Variants in TLX1 observed in about 807,000 individuals in gnomAD.
The protein encoded by TLX1 is T cell leukemia homeobox 1, also known as T-cell leukemia homeobox protein 1.
In TLX1, 6 loss-of-function variants were observed where a neutral mutation model predicts 26.5. The ratio of observed to expected loss-of-function variants is 0.23; its 90% confidence interval spans 0.12 to 0.45. The LOEUF (loss-of-function observed/expected upper bound fraction) is 0.45, where lower values mean the gene tolerates loss of function less well. Among genes scored for constraint, TLX1 ranks in the 20% least tolerant of loss-of-function variants. The probability of loss-of-function intolerance (pLI) is 0.99; values close to 1 mark genes in which losing one functional copy is unlikely to be tolerated. For synonymous variants in TLX1, 217 were observed against 219.7 expected, an observed-to-expected ratio of 0.99 and a Z score of 0.11; for missense variants, 418 against 482.6, an observed-to-expected ratio of 0.87 and a Z score of 1.25.
intron 2 of TLX1, among the ~76,000 whole-genome samples, chr10:101,136,423 T>C (rs1001418939): frequency 6.6e-6 from 1 of 152,220 alleles, no homozygotes; most frequent in Non-Finnish European, 1.5e-5. Context: ...TGCGCGTGGA[T>C]GCGAGTCCCA....
chr10:101,136,339 C>T (rs939746035), intron 2 of TLX1, among the ~76,000 whole-genome samples: 1 of 152,220 alleles, frequency 6.6e-6, no homozygotes, highest in Non-Finnish European at 1.5e-5. Context: ...TGGTCTCCCT[C>T]AGGGCCGGGG....
Position 101,131,891 on chromosome 10 carries a change from G to A in TLX1, c.350G>A (p.Gly117Asp), listed in dbSNP as rs1940182886. 2.2e-6 allele frequency: 3 copies of A among 1,394,726 alleles called. No homozygotes were observed. The highest frequency in any genetic ancestry group is 1.9e-4 in the Middle Eastern group (1 of 5,258). 86.4% of individuals were successfully genotyped at this position (1,394,726 alleles called of 1,614,324 possible). The stretch of plus-strand genomic sequence containing the variant: ...GGCGGCCCCGGTCCTGGCGGCGGCG[G>A]CGGCAGCAGCGGCGGTGCCGGGGCA... ...LAGGPGPGGG[G>D]GSSGGAGALS... The change falls in exon 1 of 3, where the codon GGC (glycine) becomes GAC (aspartate). Residue 117 changes from glycine to aspartate, a missense_variant. Physicochemically the swap from Gly to Asp is moderately conservative, Grantham distance 94. This residue lies in a region of TLX1 where 322 missense variants were observed against 344.6 expected (regional missense o/e 0.93). Transcript: ENST00000370196.
rs1437452753 is a variant in TLX1, at chr10:101,134,387, G to GGGGC, written c.770+16_770+19dup. On this transcript the variant is annotated intron_variant, in intron 2 of 2. Coordinates refer to ENST00000370196, the MANE Select transcript of TLX1 (RefSeq NM_005521.4). The stretch of plus-strand genomic sequence containing the variant: ...GCGGACAAAGTGGAGGTGAGCAAGC[G>GGGGC]GGGCGGGCCGGCCGCCCGCGAGCGG... The GGGGC allele has an allele frequency of 6.5e-7, 1 of 1,547,518 alleles. No individual in the cohort carries two copies. The highest frequency in any genetic ancestry group is 8.7e-7 in the Non-Finnish European group (1 of 1,151,414).
intron 2 of TLX1, chr10:101,135,430 T>C (rs1201659838): frequency 6.5e-6 from 1 of 154,414 alleles, no homozygotes; most frequent in Non-Finnish European, 1.5e-5. Flanking sequence ...ACAACATTTC[T>C]GACGCTGGGA....
Position 101,132,108 on chromosome 10 carries a change from A to G in TLX1, c.567A>G (p.Thr189=), listed in dbSNP as rs754545748. 1.5e-6 allele frequency: 2 copies of G among 1,376,110 alleles called. No individual in the cohort carries two copies. Among genetic ancestry groups the G allele is most frequent in the Admixed American group, 5.6e-5 (2 of 35,516 alleles). 85.2% of individuals were successfully genotyped at this position (1,376,110 alleles called of 1,614,324 possible). The part of the protein sequence containing the change: ...SNRRYTKDRF[T]GHPYQNRTPP... ...GCAGATACACAAAGGACAGGTTCAC[A>G]GGTGAGTCCGGCCCGCGCGCTCCCC... The change falls in exon 1 of 3, where the codon ACA becomes ACG. Residue 189 remains threonine (T), a splice_region_variant and synonymous_variant. Coordinates refer to ENST00000370196, the MANE Select transcript of TLX1 (RefSeq NM_005521.4). The surrounding 1 kb of genome is among the most constrained non-coding windows in gnomAD (Gnocchi z 4.1).
At chr10:101,134,861 C>T (rs1002842486) in intron 2 of TLX1, among the ~76,000 whole-genome samples, 2 of 152,212 alleles carry the variant, frequency 1.3e-5, no homozygotes, top group Non-Finnish European at 1.5e-5. Context: ...GCCCTGCTGA[C>T]GGTCTCCTCC....
Position 101,131,698 on chromosome 10 carries a change from G to T in TLX1, c.157G>T (p.Gly53Cys). ...GEYGLGCLVG[G>C]AYTYGGGGSA... Reference sequence around the variant, plus strand: ...ATACGGCCTTGGCTGCTTGGTCGGAGGCGCCTACACTTACGGCGGCGGGGG... The same window carrying T: ...ATACGGCCTTGGCTGCTTGGTCGGATGCGCCTACACTTACGGCGGCGGGGG... The change falls in exon 1 of 3, where the codon GGC (glycine) becomes TGC (cysteine). Residue 53 changes from glycine to cysteine, a missense_variant. Gly to Cys is a radical substitution (Grantham distance 159, BLOSUM62 -3). Coordinates refer to ENST00000370196, the MANE Select transcript of TLX1 (RefSeq NM_005521.4). The T allele has an allele frequency of 6.6e-7, 1 of 1,525,570 alleles. No individual in the cohort carries two copies. The highest frequency in any genetic ancestry group is 2.6e-5 in the East Asian group (1 of 37,972). The allele number at this position is 1,525,570 out of a possible 1,614,324, so 94.5% of individuals were successfully genotyped here.
rs1343412035 is a variant in TLX1, at chr10:101,137,740, T to C, written c.*827T>C. 1 of 228,944 alleles carries C rather than the reference T, an allele frequency of 4.4e-6. No individual in the cohort carries two copies. The allele number at this position is 228,944 out of a possible 1,614,324, so 14.2% of individuals were successfully genotyped here. On this transcript the variant is annotated 3_prime_UTR_variant, in exon 3 of 3. Transcript: ENST00000370196. ...TTTTCTGTGTAACCATTTTATAAAGTGCTTGTGTAATTTATGTGAAAAAAA... is the reference window on the plus strand; with the variant it reads ...TTTTCTGTGTAACCATTTTATAAAGCGCTTGTGTAATTTATGTGAAAAAAA...
chr10:101,136,715 G>T lies in TLX1; in HGVS notation c.795G>T (p.Glu265Asp), dbSNP rs767012955. Reference protein sequence around the residue: ...KWRRQTAEEREAERQQANRIL... With the variant: ...KWRRQTAEERDAERQQANRIL... ...GACGGCAGACTGCGGAGGAACGGGAGGCCGAGAGGCAGCAAGCGAACCGCA... is the reference window on the plus strand; with the variant it reads ...GACGGCAGACTGCGGAGGAACGGGATGCCGAGAGGCAGCAAGCGAACCGCA... Residue 265 changes from glutamate to aspartate, a missense_variant, in exon 3 of 3, where the codon GAG (glutamate) becomes GAT (aspartate). Transcript: ENST00000370196. 1.1e-5 allele frequency: 18 copies of T among 1,612,842 alleles called. No homozygotes were observed. In the East Asian group the frequency reaches 3.8e-4, roughly 34 times the overall value.
At position 101,131,404 on chromosome 10, in the gene TLX1, T is replaced by C; in HGVS notation, c.-138T>C. ...CTCTCCCTCCCCTCCCCCTTCTACT[T>C]TAGCCTTTCTGCGCACTTCGCTTCC... On this transcript the variant is annotated 5_prime_UTR_variant, in exon 1 of 3. Transcript: ENST00000370196. The C allele has an allele frequency of 5.4e-6, 3 of 555,896 alleles. No individual in the cohort carries two copies. 34.4% of individuals were successfully genotyped at this position (555,896 alleles called of 1,614,324 possible). A position where few individuals can be genotyped will look rare whatever the true frequency, so the allele number is the denominator to read the frequency against.
chr10:101,133,015 C>T (rs1303292527), intron 1 of TLX1: 1 of 152,464 alleles, frequency 6.6e-6, no homozygotes, highest in Non-Finnish European at 1.5e-5. Context: ...TTAGGGTTCC[C>T]TGGATCCTAG....
In TLX1 at chr10:101,136,817, C is replaced by T; in HGVS notation, c.897C>T (p.His299=). 1 of 1,613,718 alleles carries T rather than the reference C, an allele frequency of 6.2e-7. No individual in the cohort carries two copies. The highest frequency in any genetic ancestry group is 8.5e-7 in the Non-Finnish European group (1 of 1,180,038). The stretch of plus-strand genomic sequence containing the variant: ...TGCCCGCTGACCCTCTGTGCGTGCA[C>T]AACTCGTCGCTCTTCGCCCTGCAGA... ...QPLPADPLCV[H]NSSLFALQNL... Residue 299 remains histidine (H), a synonymous_variant, in exon 3 of 3, where the codon CAC becomes CAT. Transcript: ENST00000370196.
At chr10:101,134,853 C>T (rs1243668191) in intron 2 of TLX1, among the ~76,000 whole-genome samples, 1 of 152,250 alleles carries the variant, frequency 6.6e-6, no homozygotes, top group East Asian at 1.9e-4. Flanking sequence ...AGACCGCGGC[C>T]CTGCTGACGG....
At position 101,137,412 on chromosome 10, in the gene TLX1, C is replaced by G; in HGVS notation, c.*499C>G. 1 of 261,084 alleles carries G rather than the reference C, an allele frequency of 3.8e-6. No individual in the cohort carries two copies. Among genetic ancestry groups the G allele is most frequent in the Non-Finnish European group, 7.4e-6 (1 of 134,384 alleles). The allele number at this position is 261,084 out of a possible 1,614,324, so 16.2% of individuals were successfully genotyped here. On this transcript the variant is annotated 3_prime_UTR_variant, in exon 3 of 3. Transcript: ENST00000370196. ...CATCTATGGGAGAGTGTCAACCAGACAGAGGGTCACAGTGTTTACACTTTG... is the reference window on the plus strand; with the variant it reads ...CATCTATGGGAGAGTGTCAACCAGAGAGAGGGTCACAGTGTTTACACTTTG...
At chr10:101,133,909 G>T (rs905955805) in intron 1 of TLX1, among the ~76,000 whole-genome samples, 5 of 152,160 alleles carry the variant, frequency 3.3e-5, no homozygotes, top group African/African-American at 9.7e-5. Flanking sequence ...GGGCTCGCGG[G>T]AGCCCGGGGC....
Position 101,131,358 on chromosome 10 carries a change from G to T in TLX1, c.-184G>T, listed in dbSNP as rs976797739. 6.7e-5 allele frequency: 29 copies of T among 435,128 alleles called. No individual in the cohort carries two copies. The highest frequency in any genetic ancestry group is 1.0e-4 in the Non-Finnish European group (26 of 251,724). 27.0% of individuals were successfully genotyped at this position (435,128 alleles called of 1,614,324 possible). A position where few individuals can be genotyped will look rare whatever the true frequency, so the allele number is the denominator to read the frequency against. On this transcript the variant is annotated 5_prime_UTR_variant, in exon 1 of 3. Transcript: ENST00000370196. ...GAGCGGGGAAGCAGAAGCCAGAGAG[G>T]GGAAGAATACGGCGCCCCCTCTCTC...
At chr10:101,134,090 C>T (rs766898947) in intron 1 of TLX1, 85 bp from the exon 2 acceptor site, 1 of 1,361,858 alleles carries the variant, frequency 7.3e-7, no homozygotes, top group Non-Finnish European at 1.0e-6. Context: ...TGGGACGCTT[C>T]CTGACGCTCT....
chr10:101,131,980 C>T lies in TLX1; in HGVS notation c.439C>T (p.Pro147Ser). The change falls in exon 1 of 3, where the codon CCC becomes TCC. Residue 147 changes from proline (P) to serine (S), a missense_variant. Transcript: ENST00000370196. ...GCCGCTCGCCGGAGCCGTGGCCCAC[C>T]CCCAGCCCCTGGCCACCGGCTTGCC... is the stretch of plus-strand genomic sequence containing the variant. Reference protein sequence around the residue: ...HRPLAGAVAHPQPLATGLPTV... With the variant: ...HRPLAGAVAHSQPLATGLPTV... 6.6e-7 allele frequency: 1 copy of T among 1,521,228 alleles called. No individual in the cohort carries two copies. The highest frequency in any genetic ancestry group is 2.7e-5 in the East Asian group (1 of 37,262). 94.2% of individuals were successfully genotyped at this position (1,521,228 alleles called of 1,614,324 possible). A position where few individuals can be genotyped will look rare whatever the true frequency, so the allele number is the denominator to read the frequency against.
Position 101,137,436 on chromosome 10 carries a change from T to C in TLX1, c.*523T>C, listed in dbSNP as rs75473078. 0.038 allele frequency: 9,462 copies of C among 249,994 alleles called. 265 individuals are homozygous for C. Among genetic ancestry groups the C allele is most frequent in the South Asian group, 0.053 (372 of 7,076 alleles). The allele number at this position is 249,994 out of a possible 1,614,324, so 15.5% of individuals were successfully genotyped here. On this transcript the variant is annotated 3_prime_UTR_variant, in exon 3 of 3. Coordinates refer to ENST00000370196, the MANE Select transcript of TLX1 (RefSeq NM_005521.4). ...ACAGAGGGTCACAGTGTTTACACTT[T>C]GGACCTTACGATCAGGCACAGGTCA... is the stretch of plus-strand genomic sequence containing the variant.
Sources: gnomAD v4.1 joint callset for allele counts (sites outside exome capture counted in the v4.1 genomes callset) on GRCh38, gnomAD v4.1.1 for gene constraint, gnomAD v4.1.1 regional missense constraint, Gnocchi (gnomAD v3.1) non-coding constraint, MANE v1.5 for transcripts, NCBI Gene and HGNC (gene_info 2026-07-23, HGNC 2026-07-21) for gene names.